ALG9: variants seen among roughly 807,000 people sequenced by gnomAD.
The protein encoded by ALG9 is alpha-1,2-mannosyltransferase ALG9.
ALG9 carries 55 observed loss-of-function variants against 81.8 expected under a neutral mutation model. That is an observed-to-expected ratio of 0.67 (90% CI 0.54 to 0.84). The LOEUF is 0.84. ALG9 is among the 40% of genes least tolerant of loss of function. The pLI is 0.00. For missense variants in ALG9, 629 were observed against 745.0 expected (o/e 0.84, Z 1.81); for synonymous variants, 278 against 274.3 (o/e 1.01, Z -0.13).
intron 13 of ALG9, among the ~76,000 whole-genome samples, chr11:111,828,361 T>C (rs1555110636): frequency 2.0e-5 from 3 of 152,246 alleles, no homozygotes; most frequent in East Asian, 1.9e-4. Flanking sequence ...AAATTAACTT[T>C]ATTTAAATTT....
At chr11:111,863,282 C>T (rs551668771) in intron 4 of ALG9, among the ~76,000 whole-genome samples, 4 of 152,204 alleles carry the variant, frequency 2.6e-5, no homozygotes, top group East Asian at 3.9e-4. Flanking sequence ...TGCTTGAACC[C>T]GGGAGGCTGA....
chr11:111,815,768 A>C (rs1951381886), intron 13 of ALG9, among the ~76,000 whole-genome samples: 1 of 152,230 alleles, frequency 6.6e-6, no homozygotes, highest in African/African-American at 2.4e-5. Flanking sequence ...AAATGAGATG[A>C]TTCATTTAAA....
At chr11:111,856,358 T>A (rs1555143147) in intron 6 of ALG9, among the ~76,000 whole-genome samples, 1 of 151,320 alleles carries the variant, frequency 6.6e-6, no homozygotes, top group Non-Finnish European at 1.5e-5. Context: ...ACCAAATGTC[T>A]ACCAATAAGG....
intron 14 of ALG9, among the ~76,000 whole-genome samples, chr11:111,802,727 G>GT (rs1189218825): frequency 6.6e-6 from 1 of 152,108 alleles, no homozygotes; most frequent in African/African-American, 2.4e-5. Flanking sequence ...CAGTGAAGCT[G>GT]TAACTATACA....
At chr11:111,795,658 A>T (rs1342043345) in intron 14 of ALG9, among the ~76,000 whole-genome samples, 2 of 152,244 alleles carry the variant, frequency 1.3e-5, no homozygotes, top group African/African-American at 4.8e-5. Context: ...ATTATGTGTA[A>T]TGACTAGGAA....
intron 13 of ALG9, among the ~76,000 whole-genome samples, chr11:111,834,412 T>C (rs1954886252): frequency 6.6e-6 from 1 of 152,194 alleles, no homozygotes; most frequent in Non-Finnish European, 1.5e-5. Context: ...TTTCTTTACC[T>C]GGAATCTGTC....
At chr11:111,809,207 A>T (rs880000624) in intron 14 of ALG9, among the ~76,000 whole-genome samples, 1 of 152,172 alleles carries the variant, frequency 6.6e-6, no homozygotes, top group African/African-American at 2.4e-5. Flanking sequence ...AATCTTTAAG[A>T]TTTCTCAGGA....
At chr11:111,870,100 T>C in intron 2 of ALG9, 132 bp downstream of exon 2, 1 of 1,174,606 alleles carries the variant, frequency 8.5e-7, no homozygotes, top group African/African-American at 1.6e-5. Context: ...GCCTGTTTTT[T>C]TGTTTTTTTT....
chr11:111,779,554 T>A (rs1247108741), downstream of ALG9, among the ~76,000 whole-genome samples: 4 of 152,092 alleles, frequency 2.6e-5, no homozygotes, highest in East Asian at 7.8e-4. Flanking sequence ...TCAAGCTTTA[T>A]TGCCCAGGCT....
At chr11:111,779,826 T>G (rs1945832894), downstream of ALG9, among the ~76,000 whole-genome samples, 1 of 152,236 alleles carries the variant, frequency 6.6e-6, no homozygotes, top group Non-Finnish European at 1.5e-5. Flanking sequence ...CAATTGTTAA[T>G]TTTAACAGAC....
chr11:111,775,265 T>G, the ALG9 span, among the ~76,000 whole-genome samples: 1 of 152,194 alleles, frequency 6.6e-6, no homozygotes. Flanking sequence ...AAGATGGTAT[T>G]CTTCCCCACT....
chr11:111,806,759 C>T (rs782279142), intron 14 of ALG9, among the ~76,000 whole-genome samples: 12 of 152,180 alleles, frequency 7.9e-5, no homozygotes, highest in Non-Finnish European at 1.6e-4. Flanking sequence ...ATCTAGCTGC[C>T]TGTTCAATAA....
chr11:111,794,609 CTCTCT>C (rs1947953338), intron 14 of ALG9, among the ~76,000 whole-genome samples: 1 of 151,982 alleles, frequency 6.6e-6, no homozygotes, highest in African/African-American at 2.4e-5. Context: ...CTTCCTTCTC[CTCTCT>C]TCTCTTCTCC....
chr11:111,828,600 C>G (rs1262766789), intron 13 of ALG9, among the ~76,000 whole-genome samples: 1 of 152,026 alleles, frequency 6.6e-6, no homozygotes, highest in Non-Finnish European at 1.5e-5. Flanking sequence ...GGCCTGAAGG[C>G]AAAGAGGGAA....
At position 111,860,608 on chromosome 11, in the gene ALG9, G is replaced by T; in HGVS notation, c.504C>A (p.His168Gln). The T allele has an allele frequency of 1.9e-6, 3 of 1,613,764 alleles. No homozygotes were observed. The highest frequency in any genetic ancestry group is 4.5e-5 in the East Asian group (2 of 44,888). ...AGAAGGCTAGCATCATTCGACTCAC[G>T]TGCAACCCAAACTTCTTGCACACAG... is the stretch of plus-strand genomic sequence containing the variant. ...YKAVCKKFGL[H>Q]VSRMMLAFLV... The change falls in exon 5 of 15, where the codon CAC becomes CAA. Residue 168 changes from histidine (H) to glutamine (Q), a missense_variant. Coordinates refer to ENST00000616540, the MANE Select transcript of ALG9 (RefSeq NM_024740.2).
At chr11:111,863,842 G>A (rs933695029) in intron 4 of ALG9, among the ~76,000 whole-genome samples, 4 of 152,160 alleles carry the variant, frequency 2.6e-5, no homozygotes, top group Admixed American at 1.3e-4. Flanking sequence ...TCATGATCCT[G>A]TATCTTAGGA....
chr11:111,778,711 C>G (rs149857140), downstream of ALG9, among the ~76,000 whole-genome samples: 3 of 152,024 alleles, frequency 2.0e-5, no homozygotes, highest in Non-Finnish European at 4.4e-5. Context: ...GCTAGATCAC[C>G]TGGAGAGTTT....
rs1437957690 is a variant in ALG9, at chr11:111,782,529, A to T, written c.*3868T>A. On this transcript the variant is annotated 3_prime_UTR_variant, in exon 15 of 15. Transcript: ENST00000616540. ...TACCCAAGGCATTTAATGTAGGAGC[A>T]TAAGAATGCACTGATTAACACGTGA... The T allele has an allele frequency of 2.0e-5, 3 of 152,688 alleles. No individual in the cohort carries two copies. The highest frequency in any genetic ancestry group is 2.0e-4 in the Admixed American group (3 of 15,276). The allele number at this position is 152,688 out of a possible 1,614,324, so 9.5% of individuals were successfully genotyped here. A position where few individuals can be genotyped will look rare whatever the true frequency, so the allele number is the denominator to read the frequency against.
chr11:111,788,484 C>A, intron 14 of ALG9: 1 of 453,834 alleles, frequency 2.2e-6, no homozygotes, highest in Non-Finnish European at 4.4e-6. Context: ...TGGCTCAGGC[C>A]TGTAATCCCA....
Sources: allele counts gnomAD v4.1 joint callset (sites outside exome capture counted in the v4.1 genomes callset), GRCh38; gene constraint gnomAD v4.1.1; transcripts MANE v1.5; gene names NCBI Gene and HGNC (gene_info 2026-07-23, HGNC 2026-07-21).